The following PNCK variants were observed in gnomAD, a reference collection of about 807,000 sequenced individuals.
The protein encoded by PNCK is calcium/calmodulin-dependent protein kinase type 1B.
A neutral mutation model predicts 28.3 loss-of-function variants in PNCK; 21 were observed. That is an observed-to-expected ratio of 0.74 (90% confidence interval 0.53 to 1.07). The LOEUF is 1.07. PNCK is among the 50% of genes least tolerant of loss of function. PNCK has a pLI of 0.00. For synonymous variants in PNCK, 136 were observed against 125.2 expected, an observed-to-expected ratio of 1.09 and a Z score of -0.58; for missense variants, 250 against 298.3, an observed-to-expected ratio of 0.84 and a Z score of 1.19.
intron 1 of PNCK, chrX:153,686,744 C>A (rs1458834893): frequency 8.9e-6 from 1 of 112,226 alleles, no homozygotes; most frequent in Non-Finnish European, 1.9e-5. Flanking sequence ...CCACCCACCA[C>A]CCCTGGTCTA....
At chrX:153,670,854 G>C (rs782470817) in intron 9 of PNCK, 23 bp from the exon 10 acceptor site, 39 of 1,209,202 alleles carry the variant, frequency 3.2e-5, no homozygotes, top group Non-Finnish European at 4.1e-5. Flanking sequence ...TGAAGGTCAG[G>C]GGGGGTCTCT....
chrX:153,677,725 ATAGTGTATATATAGT>A (rs2091375989), upstream of PNCK, among the ~76,000 whole-genome samples: 2 of 102,376 alleles, frequency 2.0e-5, no homozygotes, highest in East Asian at 3.0e-4. Flanking sequence ...GTGCATATAT[ATAGTGTATATATAGT>A]GTGTATATAT....
intron 10 of PNCK, 51 bp from the exon 11 acceptor site, chrX:153,670,645 C>G: frequency 8.4e-7 from 1 of 1,197,187 alleles, no homozygotes. Context: ...GCCCCAGCCC[C>G]TAGACTGTGA....
intron 1 of PNCK, chrX:153,673,518 T>A: frequency 3.7e-5 from 13 of 347,040 alleles, no homozygotes; most frequent in East Asian, 1.2e-4. Flanking sequence ...GGGATGCACC[T>A]GCGACCCCCG....
rs1557040048 is a variant in PNCK at position 153,671,941 on chromosome X, C to A, written c.353G>T (p.Gly118Val). The change falls in exon 5 of 12, where the codon GGT (glycine) becomes GTT (valine). Residue 118 changes from glycine (G) to valine (V), a missense_variant. Physicochemically the swap from Gly to Val is moderately radical, Grantham distance 109. Coordinates refer to ENST00000340888, the MANE Select transcript of PNCK (RefSeq NM_001366977.1). ...GTAGGAGACGGCGCCAAGGACCTGA[C>A]CCACCAGATGGCTGGCATCCTTCTC... ...YTEKDASHLV[G>V]QVLGAVSYLH... 7.4e-6 allele frequency: 9 copies of A among 1,208,978 alleles called. No individual in the cohort carries two copies. In the Admixed American group the frequency reaches 1.5e-4, roughly 20 times the overall value.
intron 1 of PNCK, chrX:153,673,450 C>T (rs2091338805): frequency 1.9e-6 from 1 of 527,975 alleles, no homozygotes; most frequent in African/African-American, 2.5e-5. Flanking sequence ...CCCGCCTAGA[C>T]CCGCCACCCA....
At chrX:153,674,964 C>G (rs1557041337), upstream of PNCK, 1 of 112,332 alleles carries the variant, frequency 8.9e-6, no homozygotes, top group Non-Finnish European at 1.9e-5. Flanking sequence ...AGGCCCCTAG[C>G]AGCTCTTGCC....
At chrX:153,670,251 T>A in intron 11 of PNCK, 121 bp from the exon 12 acceptor site, 2 of 520,543 alleles carry the variant, frequency 3.8e-6, no homozygotes, top group African/African-American at 2.5e-5. Flanking sequence ...CTGCACCCCC[T>A]TGCCCAATGT....
At chrX:153,685,950 G>A (rs1262448972) in intron 1 of PNCK, among the ~76,000 whole-genome samples, 1 of 112,403 alleles carries the variant, frequency 8.9e-6, no homozygotes, top group African/African-American at 3.2e-5. Flanking sequence ...AAGAAGGTGG[G>A]TGTGGGAAGG....
At chrX:153,670,357 AC>A in intron 11 of PNCK, 92 bp downstream of exon 11, 1 of 1,134,908 alleles carries the variant, frequency 8.8e-7, no homozygotes, top group Non-Finnish European at 1.2e-6. Context: ...TGTGGGGGCC[AC>A]CCCACTTAGC....
upstream of PNCK, among the ~76,000 whole-genome samples, chrX:153,677,717 GCA>G (rs2091375836): frequency 1.0e-5 from 1 of 95,498 alleles, no homozygotes; most frequent in African/African-American, 4.4e-5. Context: ...TATATATAGT[GCA>G]TATATATAGT....
In PNCK at chrX:153,669,904, G is replaced by C. The variant is rs781894552; in HGVS notation, c.*234C>G. ...CCTCGGCTTTTGGCGGGGCGGGGGG[G>C]GCAGGGGCGGGAGAGGCAACAGGGG... is the stretch of plus-strand genomic sequence containing the variant. On this transcript the variant is annotated 3_prime_UTR_variant, in exon 12 of 12. Transcript: ENST00000340888. 1 of 341,213 alleles carries C rather than the reference G, an allele frequency of 2.9e-6. No individual in the cohort carries two copies. The highest frequency in any genetic ancestry group is 9.7e-5 in the East Asian group (1 of 10,281). The allele number at this position is 341,213 out of a possible 1,213,427, so 28.1% of individuals were successfully genotyped here.
intron 1 of PNCK, among the ~76,000 whole-genome samples, chrX:153,685,668 C>T (rs1557043068): frequency 8.9e-6 from 1 of 112,929 alleles, no homozygotes. Flanking sequence ...AGCCCCATCA[C>T]ACTCCATCTC....
Position 153,670,904 on chromosome X carries a change from G to A in PNCK, c.806+14C>T. 1 of 1,212,309 alleles carries A rather than the reference G, an allele frequency of 8.2e-7. No individual in the cohort carries two copies. The highest frequency in any genetic ancestry group is 1.8e-5 in the South Asian group (1 of 57,043). ...CCCCTGGCCCTGGGGCAGCTCAGCA[G>A]GGCTCCCACTCACCAAAGGTGCCGC... is the stretch of plus-strand genomic sequence containing the variant. On this transcript the variant is annotated intron_variant, in intron 9 of 11. Transcript: ENST00000340888.
intron 6 of PNCK, 64 bp downstream of exon 6, chrX:153,671,485 C>A: frequency 1.7e-6 from 2 of 1,210,856 alleles, no homozygotes; most frequent in Middle Eastern, 2.3e-4. Context: ...CAACAGCCTT[C>A]CCGGCTGTCT....
chrX:153,678,113 A>G (rs1474261512), upstream of PNCK, among the ~76,000 whole-genome samples: 1 of 109,654 alleles, frequency 9.1e-6, no homozygotes, highest in African/African-American at 3.3e-5. Flanking sequence ...CACCTGGGTC[A>G]TTCTAGCTGC....
intron 1 of PNCK, among the ~76,000 whole-genome samples, chrX:153,685,282 G>C (rs1216877983): frequency 4.5e-5 from 5 of 111,286 alleles, no homozygotes; most frequent in Admixed American, 3.8e-4. Flanking sequence ...ACGTGGGAGA[G>C]GACCCAGCCA....
chrX:153,685,503 G>T (rs1207585407), intron 1 of PNCK, among the ~76,000 whole-genome samples: 1 of 111,840 alleles, frequency 8.9e-6, no homozygotes, highest in Non-Finnish European at 1.9e-5. Flanking sequence ...GGCAGGGGCG[G>T]CTCCCAGGGT....
At position 153,671,113 on chromosome X, in the gene PNCK, A is replaced by G. The variant is rs1557039622; in HGVS notation, c.692T>C (p.Phe231Ser). The G allele has an allele frequency of 8.3e-7, 1 of 1,211,880 alleles. No homozygotes were observed. The highest frequency in any genetic ancestry group is 2.2e-5 in the Admixed American group (1 of 46,096). Residue 231 changes from phenylalanine (F) to serine (S), a missense_variant, in exon 8 of 12, where the codon TTT becomes TCT. By Grantham distance (155) the Phe-to-Ser change is radical. Coordinates refer to ENST00000340888, the MANE Select transcript of PNCK (RefSeq NM_001366977.1). ...GATGTCATCCCAGAAAGGAGAGTCA[A>G]ACTCATAGCTGGCCCTCAGGATCTG... ...FSQILRASYE[F>S]DSPFWDDISE...
Sources: gnomAD v4.1 joint callset for allele counts (sites outside exome capture counted in the v4.1 genomes callset) on GRCh38, gnomAD v4.1.1 for gene constraint, MANE v1.5 for transcripts, NCBI Gene and HGNC (gene_info 2026-07-23, HGNC 2026-07-21) for gene names.